ITGA9: variants seen among roughly 807,000 people sequenced by gnomAD.
ITGA9 encodes integrin alpha-9.
ITGA9 carries 56 observed loss-of-function variants against 127.8 expected under a neutral mutation model. The observed-to-expected ratio is 0.44, with a 90% CI of 0.35 to 0.55. The LOEUF (loss-of-function observed/expected upper bound fraction) is 0.55, where lower values mean the gene tolerates loss of function less well. Ranked by LOEUF, ITGA9 falls within the 20% of genes least tolerant of loss-of-function variation. ITGA9 has a pLI of 0.00. For synonymous variants in ITGA9, 508 were observed against 514.5 expected, an observed-to-expected ratio of 0.99 and a Z score of 0.17; for missense variants, 1,196 against 1,347.1, an observed-to-expected ratio of 0.89 and a Z score of 1.76.
chr3:37,520,299 T>A lies in ITGA9; in HGVS notation c.1236+945T>A, dbSNP rs535935045. On this transcript the variant is annotated intron_variant, in intron 11 of 27. Transcript: ENST00000264741. ...CAGGAGACAGGGCTTTGGGAGGCGC[T>A]GCGAAGAGGAGGGACTGTTTTTTGG... is the stretch of plus-strand genomic sequence containing the variant. Among the ~76,000 whole-genome samples, 18 of 152,292 alleles carry A rather than the reference T, an allele frequency of 1.2e-4. No homozygotes were observed. In the East Asian group the frequency reaches 2.9e-3, roughly 25 times the overall value.
intron 1 of ITGA9, among the ~76,000 whole-genome samples, chr3:37,462,079 T>C (rs1418641264): frequency 6.6e-6 from 1 of 152,260 alleles, no homozygotes; most frequent in African/African-American, 2.4e-5. Flanking sequence ...ATTTGCTCTA[T>C]CCCTTGGATT....
At chr3:37,702,836 C>T (rs1304757695) in intron 18 of ITGA9, among the ~76,000 whole-genome samples, 1 of 152,116 alleles carries the variant, frequency 6.6e-6, no homozygotes, top group Non-Finnish European at 1.5e-5. Flanking sequence ...TTTCTAAATG[C>T]AGCCAAGCTC....
In ITGA9 at chr3:37,452,590, C is replaced by T; in HGVS notation, c.185+31C>T. On this transcript the variant is annotated intron_variant, in intron 1 of 27. Coordinates refer to ENST00000264741, the MANE Select transcript of ITGA9 (RefSeq NM_002207.3). This position sits in a 1 kb window ranked among gnomAD's most constrained non-coding sequence, Gnocchi z 7.3. ...TGCCCGCCCGACTCCGCGACCCTGG[C>T]CCGCGCGGCCACCGCCCCGGCCCCC... The T allele has an allele frequency of 6.7e-7, 1 of 1,484,068 alleles. No individual in the cohort carries two copies. The highest frequency in any genetic ancestry group is 9.0e-7 in the Non-Finnish European group (1 of 1,114,258). 91.9% of individuals were successfully genotyped at this position (1,484,068 alleles called of 1,614,324 possible). A position where few individuals can be genotyped will look rare whatever the true frequency, so the allele number is the denominator to read the frequency against.
Position 37,526,035 on chromosome 3 carries a change from T to C in ITGA9, c.1337T>C (p.Val446Ala), listed in dbSNP as rs766463957. The C allele has an allele frequency of 6.2e-7, 1 of 1,614,068 alleles. No homozygotes were observed. Among genetic ancestry groups the C allele is most frequent in the Non-Finnish European group, 8.5e-7 (1 of 1,179,986 alleles). Residue 446 changes from valine (V) to alanine (A), a missense_variant, in exon 13 of 28, where the codon GTT becomes GCT. Physicochemically the swap from Val to Ala is moderately conservative, Grantham distance 64. Coordinates refer to ENST00000264741, the MANE Select transcript of ITGA9 (RefSeq NM_002207.3). ...MDGNGYPDVTVGAFMSDSVVL... is the reference protein window; with the variant it reads ...MDGNGYPDVTAGAFMSDSVVL... ...AACTTCTCATTTTCAGATGTCACTG[T>C]TGGAGCCTTCATGTCCGACAGCGTG...
intron 18 of ITGA9, among the ~76,000 whole-genome samples, chr3:37,685,275 A>G (rs1700772191): frequency 6.6e-6 from 1 of 152,202 alleles, no homozygotes; most frequent in Non-Finnish European, 1.5e-5. Flanking sequence ...TGAAATGCTC[A>G]GAGCCACCAA....
chr3:37,576,281 T>C (rs1019618557), intron 15 of ITGA9, among the ~76,000 whole-genome samples: 2 of 152,072 alleles, frequency 1.3e-5, no homozygotes, highest in Non-Finnish European at 2.9e-5. Context: ...GGCCTTGGCT[T>C]GGAGCAGCCT....
chr3:37,653,735 CGT>C lies in ITGA9; in HGVS notation c.1862_1863del (p.Arg621LeufsTer13). On this transcript the variant is annotated frameshift_variant, in exon 17 of 28. Transcript: ENST00000264741. LOFTEE classifies it high-confidence loss of function. ...KNQTVFERNC[R>X]SEDCAADLQL... ...ACAGACTGTTTTTGAAAGGAATTGC[CGT>C]TCAGAGGACTGTGCCGCAGACCTGC... is the stretch of plus-strand genomic sequence containing the variant. 1 of 1,613,682 alleles carries C rather than the reference CGT, an allele frequency of 6.2e-7. No homozygotes were observed. The highest frequency in any genetic ancestry group is 1.1e-5 in the South Asian group (1 of 91,068).
intron 22 of ITGA9, chr3:37,748,747 TAAAA>T (rs34063758): frequency 7.8e-3 from 3,487 of 448,206 alleles, no homozygotes; most frequent in Middle Eastern, 0.015. Flanking sequence ...GACTCTGTCT[TAAAA>T]AAAAAAAAAA....
rs567575185 is a variant in ITGA9 at position 37,605,005 on chromosome 3, G to A, written c.1690-24182G>A. On this transcript the variant is annotated intron_variant, in intron 15 of 27. Coordinates refer to ENST00000264741, the MANE Select transcript of ITGA9 (RefSeq NM_002207.3). Reference sequence around the variant, plus strand: ...ATGAGTACTCTTCACAGACCTTACCGTCTAATAGGAATGATAGCAAGTGAA... The same window carrying A: ...ATGAGTACTCTTCACAGACCTTACCATCTAATAGGAATGATAGCAAGTGAA... 6.6e-5 allele frequency among the ~76,000 whole-genome samples: 10 copies of A among 152,256 alleles called. 1 individual carries two copies. Among genetic ancestry groups the A allele is most frequent in the South Asian group, 4.2e-4 (2 of 4,810 alleles).
chr3:37,548,979 TTCA>T (rs1375609725), intron 15 of ITGA9, among the ~76,000 whole-genome samples: 1 of 152,234 alleles, frequency 6.6e-6, no homozygotes, highest in Non-Finnish European at 1.5e-5. Flanking sequence ...GGAAACTACC[TTCA>T]TCATCCAGCT....
At chr3:37,704,588 C>T (rs564317759) in intron 18 of ITGA9, among the ~76,000 whole-genome samples, 3 of 152,304 alleles carry the variant, frequency 2.0e-5, no homozygotes, top group South Asian at 4.1e-4. Flanking sequence ...GCTGTCTGCA[C>T]ACACTGTCTC....
intron 18 of ITGA9, among the ~76,000 whole-genome samples, chr3:37,704,473 GA>G (rs1700981577): frequency 6.6e-6 from 1 of 152,210 alleles, no homozygotes; most frequent in Non-Finnish European, 1.5e-5. Context: ...TGGGAAGGTG[GA>G]AATAGCATGG....
At chr3:37,595,816 C>T (rs1699864612) in intron 15 of ITGA9, among the ~76,000 whole-genome samples, 1 of 152,220 alleles carries the variant, frequency 6.6e-6, no homozygotes, top group African/African-American at 2.4e-5. Context: ...CAATCCAGCC[C>T]TCAGCCTGGA....
At chr3:37,759,101 A>ACACG (rs60829248) in intron 23 of ITGA9, among the ~76,000 whole-genome samples, 1 of 151,496 alleles carries the variant, frequency 6.6e-6, no homozygotes, top group African/African-American at 2.4e-5. Flanking sequence ...ACACACACAC[A>ACACG]TATACCCACA....
At chr3:37,535,740 G>A (rs190406318) in intron 14 of ITGA9, among the ~76,000 whole-genome samples, 1 of 152,170 alleles carries the variant, frequency 6.6e-6, no homozygotes, top group Admixed American at 6.5e-5. Flanking sequence ...CTCTAAGGGT[G>A]TGTTTCCCCG....
At chr3:37,598,885 G>A (rs571387822) in intron 15 of ITGA9, among the ~76,000 whole-genome samples, 1 of 152,300 alleles carries the variant, frequency 6.6e-6, no homozygotes, top group African/African-American at 2.4e-5. Flanking sequence ...GGATCCGTGG[G>A]TTTGTGGGGA....
Position 37,711,678 on chromosome 3 carries a change from A to G in ITGA9, c.2068-21034A>G, listed in dbSNP as rs1304054129. The stretch of plus-strand genomic sequence containing the variant: ...CTGAGCCTCTCACAGTGCTAGGATT[A>G]TAGGTGTGAGCCAGTGCACCTTGCC... On this transcript the variant is annotated intron_variant, in intron 18 of 27. Coordinates refer to ENST00000264741, the MANE Select transcript of ITGA9 (RefSeq NM_002207.3). Among the ~76,000 whole-genome samples, 9 of 152,352 alleles carry G rather than the reference A, an allele frequency of 5.9e-5. No homozygotes were observed. The Middle Eastern group carries it at 0.01, about 173-fold the overall frequency.
chr3:37,599,381 G>A lies in ITGA9; in HGVS notation c.1690-29806G>A, dbSNP rs139050561. Reference sequence around the variant, plus strand: ...TTGGCTGAGGTGACAGTGTGGCTGGGCCAATGCCTATCATCATCCAGCAGG... The same window carrying A: ...TTGGCTGAGGTGACAGTGTGGCTGGACCAATGCCTATCATCATCCAGCAGG... On this transcript the variant is annotated intron_variant, in intron 15 of 27. Coordinates refer to ENST00000264741, the MANE Select transcript of ITGA9 (RefSeq NM_002207.3). Among the ~76,000 whole-genome samples, 307 of 152,296 alleles carry A rather than the reference G, an allele frequency of 2.0e-3. 1 individual carries two copies. Among genetic ancestry groups the A allele is most frequent in the Middle Eastern group, 6.8e-3 (2 of 294 alleles).
rs567594118 is a variant in ITGA9, at chr3:37,599,298, T to C, written c.1690-29889T>C. Among the ~76,000 whole-genome samples, 4 of 152,292 alleles carry C rather than the reference T, an allele frequency of 2.6e-5. No individual in the cohort carries two copies. In the South Asian group the frequency reaches 6.2e-4, roughly 24 times the overall value. On this transcript the variant is annotated intron_variant, in intron 15 of 27. Coordinates refer to ENST00000264741, the MANE Select transcript of ITGA9 (RefSeq NM_002207.3). ...GGCTGATTTTGGCTGGGCTCACTCA[T>C]GTGTTAGGGTTCAGCTTGCAGGCTG...
Sources: gnomAD v4.1 joint callset for allele counts (sites outside exome capture counted in the v4.1 genomes callset) on GRCh38, gnomAD v4.1.1 for gene constraint, Gnocchi (gnomAD v3.1) non-coding constraint, MANE v1.5 for transcripts, NCBI Gene and HGNC (gene_info 2026-07-23, HGNC 2026-07-21) for gene names.